The following HDC variants were observed in gnomAD, a reference collection of about 807,000 sequenced individuals.
HDC encodes histidine decarboxylase.
In HDC, 27 loss-of-function variants were observed where a neutral mutation model predicts 64.4. That is an observed-to-expected ratio of 0.42 (90% CI 0.31 to 0.58). HDC has a LOEUF of 0.58. Ranked by LOEUF, HDC falls within the 20% of genes least tolerant of loss-of-function variation. The pLI, the probability that HDC is intolerant of heterozygous loss-of-function variation, is 0.16. For missense variants in HDC, 711 were observed against 833.9 expected, an observed-to-expected ratio of 0.85 and a Z score of 1.81; for synonymous variants, 305 against 314.2, an observed-to-expected ratio of 0.97 and a Z score of 0.31.
chr15:50,251,913 G>A (rs1266733653), intron 9 of HDC, among the ~76,000 whole-genome samples: 1 of 152,124 alleles, frequency 6.6e-6, no homozygotes, highest in African/African-American at 2.4e-5. Flanking sequence ...GGCGCAGTCA[G>A]TTGGGAAAGT....
chr15:50,254,693 C>T, intron 4 of HDC, 29 bp from the exon 5 acceptor site: 1 of 1,610,462 alleles, frequency 6.2e-7, no homozygotes, highest in Non-Finnish European at 8.5e-7. Context: ...ATCATGGCAG[C>T]CTTTCTGTAT....
intron 11 of HDC, 33 bp from the exon 12 acceptor site, chr15:50,243,039 T>C (rs1247245134): frequency 6.2e-6 from 10 of 1,614,010 alleles, no homozygotes; most frequent in Non-Finnish European, 7.6e-6. Flanking sequence ...GAAGTCTCCA[T>C]CGCACCCCCT....
rs757038021 is a variant in HDC, at chr15:50,263,302, C to T, written c.137G>A (p.Ser46Asn). Residue 46 changes from serine to asparagine, a missense_variant, in exon 2 of 12, where the codon AGT becomes AAT. Transcript: ENST00000267845. ...CCAGCTGTCGGGGTCCTCAGGAGCA[C>T]TCTCAGGCAGCTGGGCTCGCAGGTA... Reference protein sequence around the residue: ...PGYLRAQLPESAPEDPDSWDS... With the variant: ...PGYLRAQLPENAPEDPDSWDS... 9.3e-6 allele frequency: 15 copies of T among 1,614,086 alleles called. No homozygotes were observed. Among genetic ancestry groups the T allele is most frequent in the Non-Finnish European group, 1.2e-5 (14 of 1,180,028 alleles).
At chr15:50,265,255 C>A (rs988772456) in intron 1 of HDC, among the ~76,000 whole-genome samples, 5 of 152,020 alleles carry the variant, frequency 3.3e-5, no homozygotes, top group Admixed American at 1.3e-4. Flanking sequence ...AAATTTTTTT[C>A]TATTTCAGAA....
chr15:50,264,762 T>G (rs2045746486), intron 1 of HDC, among the ~76,000 whole-genome samples: 1 of 152,108 alleles, frequency 6.6e-6, no homozygotes, highest in Non-Finnish European at 1.5e-5. Flanking sequence ...AAAGGTAGAT[T>G]TCCACACCAT....
At chr15:50,245,230 G>GT (rs2045464115) in intron 10 of HDC, among the ~76,000 whole-genome samples, 1 of 152,206 alleles carries the variant, frequency 6.6e-6, no homozygotes, top group Non-Finnish European at 1.5e-5. Flanking sequence ...TGTTTGTAAA[G>GT]TTTTTTGGAA....
intron 4 of HDC, among the ~76,000 whole-genome samples, 191 bp from the exon 5 acceptor site, chr15:50,254,855 C>T (rs1417112237): frequency 6.6e-6 from 1 of 151,892 alleles, no homozygotes; most frequent in Non-Finnish European, 1.5e-5. Context: ...GCCCAGGGTG[C>T]CCATGTCCCT....
In HDC at chr15:50,242,834, G is replaced by C; in HGVS notation, c.1415C>G (p.Thr472Ser). The C allele has an allele frequency of 6.2e-7, 1 of 1,614,054 alleles. No individual in the cohort carries two copies. Among genetic ancestry groups the C allele is most frequent in the South Asian group, 1.1e-5 (1 of 91,084 alleles). Residue 472 changes from threonine (T) to serine (S), a missense_variant, in exon 12 of 12, where the codon ACT becomes AGT. Physicochemically the swap from Thr to Ser is moderately conservative, Grantham distance 58. This residue lies in a region of HDC where 483 missense variants were observed against 540.9 expected (regional missense o/e 0.89). Transcript: ENST00000267845. ...RDWNLIRDAA[T>S]LILSQHCTSQ... ...AGTACAGTGCTGACTCAGGATGAGA[G>C]TGGCAGCATCTCGAATGAGATTCCA...
At chr15:50,247,778 G>A (rs766416649) in intron 10 of HDC, among the ~76,000 whole-genome samples, 2 of 152,202 alleles carry the variant, frequency 1.3e-5, no homozygotes, top group Non-Finnish European at 2.9e-5. Flanking sequence ...TTGATGCAGG[G>A]AGGTTTGTTC....
intron 4 of HDC, among the ~76,000 whole-genome samples, chr15:50,255,953 G>A (rs1387567471): frequency 6.6e-6 from 1 of 152,206 alleles, no homozygotes; most frequent in Non-Finnish European, 1.5e-5. Context: ...TGCTCAGAGA[G>A]GTGATGGGAC....
chr15:50,255,821 C>T (rs1207542551), intron 4 of HDC, among the ~76,000 whole-genome samples: 1 of 152,014 alleles, frequency 6.6e-6, no homozygotes, highest in Non-Finnish European at 1.5e-5. Flanking sequence ...ATAATGGTAA[C>T]AACACCTTCC....
chr15:50,257,395 A>T lies in HDC; in HGVS notation c.441+30T>A, dbSNP rs28707431. On this transcript the variant is annotated intron_variant, in intron 4 of 11. Transcript: ENST00000267845. ...CTTGTCTTTCGCTACTTAGCCCCCA[A>T]GCTAGGTGAAGCTTTGCCAAGGGAG... 4.4e-3 allele frequency: 7,121 copies of T among 1,614,016 alleles called. 271 individuals are homozygous for T. The African/African-American group carries it at 0.084, about 19-fold the overall frequency.
chr15:50,257,444 T>C lies in HDC; in HGVS notation c.422A>G (p.Gln141Arg), dbSNP rs2045646721. ...AGGTACCTGCAGGACGCCTCCGCCC[T>C]GGCTGCTGGGGTGGTGGTGCAAGAA... Reference protein sequence around the residue: ...EHFLHHHPSSQGGGVLQSTVS... With the variant: ...EHFLHHHPSSRGGGVLQSTVS... Residue 141 changes from glutamine to arginine, a missense_variant, in exon 4 of 12, where the codon CAG becomes CGG. Coordinates refer to ENST00000267845, the MANE Select transcript of HDC (RefSeq NM_002112.4). 1.9e-6 allele frequency: 3 copies of C among 1,614,240 alleles called. No individual in the cohort carries two copies. The South Asian group carries it at 3.3e-5, about 18-fold the overall frequency.
chr15:50,253,560 G>A (rs777463998), intron 7 of HDC, 40 bp downstream of exon 7: 2 of 1,555,166 alleles, frequency 1.3e-6, no homozygotes, highest in African/African-American at 1.4e-5. Flanking sequence ...ATTTAAAAAT[G>A]TATTCCTTGT....
intron 4 of HDC, among the ~76,000 whole-genome samples, chr15:50,256,086 C>T (rs2045626629): frequency 6.6e-6 from 1 of 152,204 alleles, no homozygotes; most frequent in South Asian, 2.1e-4. Flanking sequence ...TATTTAATCT[C>T]TCTGAACTTC....
At position 50,242,420 on chromosome 15, in the gene HDC, G is replaced by A. The variant is rs779304695; in HGVS notation, c.1829C>T (p.Ser610Phe). 6 of 1,614,170 alleles carry A rather than the reference G, an allele frequency of 3.7e-6. No individual in the cohort carries two copies. In the Admixed American group the frequency reaches 1.0e-4, roughly 27 times the overall value. The stretch of plus-strand genomic sequence containing the variant: ...AAACCTGGAAAAGATTCTGACCCTG[G>A]AGGAGCCCCCATTCTTCACAGAGGC... ...TEASVKNGGS[S>F]RVRIFSRFPE... The change falls in exon 12 of 12, where the codon TCC becomes TTC. Residue 610 changes from serine to phenylalanine, a missense_variant. This residue lies in a region of HDC where 483 missense variants were observed against 540.9 expected (regional missense o/e 0.89). Coordinates refer to ENST00000267845, the MANE Select transcript of HDC (RefSeq NM_002112.4).
chr15:50,243,195 G>A lies in HDC; in HGVS notation c.1190C>T (p.Ser397Phe). 1 of 1,614,062 alleles carries A rather than the reference G, an allele frequency of 6.2e-7. No homozygotes were observed. Among genetic ancestry groups the A allele is most frequent in the South Asian group, 1.1e-5 (1 of 91,082 alleles). Reference protein sequence around the residue: ...YFESLVRNDPSFEIPAKRHLG... With the variant: ...YFESLVRNDPFFEIPAKRHLG... Reference sequence around the variant, plus strand: ...GTGCCTCTTGGCAGGAATTTCAAAGGAAGGGTCGTTTCTGACCAGAGATTC... The same window carrying A: ...GTGCCTCTTGGCAGGAATTTCAAAGAAAGGGTCGTTTCTGACCAGAGATTC... Residue 397 changes from serine (S) to phenylalanine (F), a missense_variant, in exon 11 of 12, where the codon TCC (serine) becomes TTC (phenylalanine). Ser to Phe is a radical substitution (Grantham distance 155, BLOSUM62 -2). This residue lies in a region of HDC where 483 missense variants were observed against 540.9 expected (regional missense o/e 0.89). Coordinates refer to ENST00000267845, the MANE Select transcript of HDC (RefSeq NM_002112.4).
chr15:50,254,557 GGCATTTAGGCAGGACTCATCA>G lies in HDC; in HGVS notation c.528_548del (p.Asp177_Ala183del). On this transcript the variant is annotated inframe_deletion, in exon 5 of 12. Coordinates refer to ENST00000267845, the MANE Select transcript of HDC (RefSeq NM_002112.4). ...GGTCAGAGGCATAGGCCACGAGTCG[GGCATTTAGGCAGGACTCATCA>G]GCATCGGGCTCAGACGTTTTCATTT... 6.2e-7 allele frequency: 1 copy of G among 1,614,230 alleles called. No homozygotes were observed. Among genetic ancestry groups the G allele is most frequent in the Non-Finnish European group, 8.5e-7 (1 of 1,180,044 alleles).
At chr15:50,264,648 C>T (rs2045745271) in intron 1 of HDC, among the ~76,000 whole-genome samples, 1 of 152,106 alleles carries the variant, frequency 6.6e-6, no homozygotes, top group Non-Finnish European at 1.5e-5. Context: ...TTAGTACTCC[C>T]TGGGCTGCTT....
Sources: gnomAD v4.1 joint callset for allele counts (sites outside exome capture counted in the v4.1 genomes callset) on GRCh38, gnomAD v4.1.1 for gene constraint, gnomAD v4.1.1 regional missense constraint, MANE v1.5 for transcripts, NCBI Gene and HGNC (gene_info 2026-07-23, HGNC 2026-07-21) for gene names.